Variants in PHF2 observed in about 807,000 individuals in gnomAD.
PHF2 encodes the protein PHD finger protein 2.
PHF2 carries 27 observed loss-of-function variants against 120.5 expected under a neutral mutation model. That is an observed-to-expected ratio of 0.22 (90% CI 0.17 to 0.31). The LOEUF (loss-of-function observed/expected upper bound fraction) is 0.31, where lower values mean the gene tolerates loss of function less well. PHF2 is among the 10% of genes least tolerant of loss of function. The pLI is 1.00. For missense variants in PHF2, 1,024 were observed against 1,434.8 expected (o/e 0.71, Z 4.63); for synonymous variants, 568 against 592.5 (o/e 0.96, Z 0.60).
intron 14 of PHF2, among the ~76,000 whole-genome samples, chr9:93,665,039 C>T (rs2118030513): frequency 6.6e-6 from 1 of 152,328 alleles, no homozygotes; most frequent in Middle Eastern, 3.4e-3. Context: ...GTCCTCAAAC[C>T]CCTGGGAAGG....
chr9:93,662,019 A>G (rs10761252), intron 12 of PHF2, among the ~76,000 whole-genome samples: 93,109 of 151,574 alleles, frequency 0.61, 29,009 homozygotes, highest in Non-Finnish European at 0.66. Context: ...ATGGATGGGT[A>G]GATGATGAAT....
At chr9:93,661,325 C>T (rs74614156) in intron 12 of PHF2, among the ~76,000 whole-genome samples, 9,335 of 152,180 alleles carry the variant, frequency 0.061, 401 homozygotes, top group Non-Finnish European at 0.089. Context: ...TGTAGTGGGA[C>T]GCTTTTGTGT....
chr9:93,586,470 T>C (rs762627954), intron 1 of PHF2, among the ~76,000 whole-genome samples: 1 of 152,226 alleles, frequency 6.6e-6, no homozygotes, highest in Non-Finnish European at 1.5e-5. Flanking sequence ...ATGGAGGGGC[T>C]ACTCAGGAGA....
chr9:93,675,460 C>A (rs1481300969), intron 19 of PHF2, among the ~76,000 whole-genome samples: 1 of 152,256 alleles, frequency 6.6e-6, no homozygotes, highest in Non-Finnish European at 1.5e-5. Context: ...GCTGGGCCTC[C>A]TGGGCTCTGC....
intron 17 of PHF2, among the ~76,000 whole-genome samples, chr9:93,669,417 G>A (rs2118071493): frequency 6.6e-6 from 1 of 152,268 alleles, no homozygotes; most frequent in East Asian, 1.9e-4. Context: ...TGCAGCTTGT[G>A]TGGCAGGGGC....
At chr9:93,605,393 T>G (rs914239961) in intron 1 of PHF2, among the ~76,000 whole-genome samples, 2 of 152,186 alleles carry the variant, frequency 1.3e-5, no homozygotes, top group African/African-American at 4.8e-5. Context: ...TTCTATGGGT[T>G]TTGACTGTAA....
chr9:93,675,833 AC>A, intron 20 of PHF2, 44 bp downstream of exon 20: 3 of 1,474,184 alleles, frequency 2.0e-6, no homozygotes, highest in Non-Finnish European at 9.4e-7. Flanking sequence ...GGTCCCTGCT[AC>A]CCCCACCTGG....
chr9:93,677,578 A>G lies in PHF2; in HGVS notation c.3203-10A>G. The G allele has an allele frequency of 6.2e-7, 1 of 1,610,272 alleles. No individual in the cohort carries two copies. The highest frequency in any genetic ancestry group is 8.5e-7 in the Non-Finnish European group (1 of 1,178,376). Reference sequence around the variant, plus strand: ...CTTCCCTTTTTGTGTCCCCTCCCCGACTCCCCTAGGAAAACGTACGAAAAA... The same window carrying G: ...CTTCCCTTTTTGTGTCCCCTCCCCGGCTCCCCTAGGAAAACGTACGAAAAA... On this transcript the variant is annotated splice_polypyrimidine_tract_variant and intron_variant, in intron 21 of 21. Transcript: ENST00000359246. The surrounding 1 kb of genome is among the most constrained non-coding windows in gnomAD (Gnocchi z 4.4).
intron 1 of PHF2, among the ~76,000 whole-genome samples, chr9:93,618,653 A>T (rs948142836): frequency 1.3e-5 from 2 of 152,252 alleles, no homozygotes; most frequent in African/African-American, 4.8e-5. Context: ...CCATGTCAGT[A>T]TGTAAAGATC....
At chr9:93,649,765 C>T (rs558727639) in intron 5 of PHF2, among the ~76,000 whole-genome samples, 1 of 152,198 alleles carries the variant, frequency 6.6e-6, no homozygotes, top group African/African-American at 2.4e-5. Context: ...CGCTCATGGA[C>T]ATACCCATGA....
chr9:93,607,684 T>C lies in PHF2; in HGVS notation c.99-22286T>C, dbSNP rs116705737. On this transcript the variant is annotated intron_variant, in intron 1 of 21. Coordinates refer to ENST00000359246, the MANE Select transcript of PHF2 (RefSeq NM_005392.4). ...CCTATCCATGAACATGGAATATCTC[T>C]CCATTTATTTAATTCTTTGATCTAC... Among the ~76,000 whole-genome samples the C allele has an allele frequency of 2.2e-3, 329 of 152,278 alleles. 2 individuals carry two copies. The highest frequency in any genetic ancestry group is 7.7e-3 in the African/African-American group (319 of 41,556).
chr9:93,631,884 T>C (rs1826007688), intron 2 of PHF2, among the ~76,000 whole-genome samples: 1 of 151,916 alleles, frequency 6.6e-6, no homozygotes, highest in Non-Finnish European at 1.5e-5. Context: ...GCTTTCAGAC[T>C]GGTAGAAAAG....
chr9:93,612,119 T>C (rs1350852209), intron 1 of PHF2, among the ~76,000 whole-genome samples: 1 of 152,236 alleles, frequency 6.6e-6, no homozygotes, highest in Non-Finnish European at 1.5e-5. Flanking sequence ...ATCCTGGAAA[T>C]TGTTCCAGAT....
At chr9:93,619,247 A>G (rs951451800) in intron 1 of PHF2, among the ~76,000 whole-genome samples, 2 of 152,002 alleles carry the variant, frequency 1.3e-5, no homozygotes, top group Non-Finnish European at 1.5e-5. Flanking sequence ...GGAGGTCACA[A>G]GCTGAGACAC....
In PHF2 at chr9:93,677,151, G is replaced by A. The variant is rs1265304351; in HGVS notation, c.3202+188G>A. ...GTGAGCGTATCCCACAGTACAGGAC[G>A]TGTGCTTTCATCCTTCTGCTCAGTG... On this transcript the variant is annotated intron_variant, in intron 21 of 21. Coordinates refer to ENST00000359246, the MANE Select transcript of PHF2 (RefSeq NM_005392.4). The surrounding 1 kb of genome is among the most constrained non-coding windows in gnomAD (Gnocchi z 4.4). 6.7e-6 allele frequency among the ~76,000 whole-genome samples: 1 copy of A among 148,824 alleles called. No individual in the cohort carries two copies. Among genetic ancestry groups the A allele is most frequent in the African/African-American group, 2.5e-5 (1 of 40,418 alleles).
intron 14 of PHF2, among the ~76,000 whole-genome samples, 182 bp downstream of exon 14, chr9:93,663,817 C>T (rs866714148): frequency 3.3e-5 from 5 of 152,136 alleles, no homozygotes; most frequent in South Asian, 2.1e-4. Flanking sequence ...CTGCACATCA[C>T]GTACCCCATA....
intron 9 of PHF2, among the ~76,000 whole-genome samples, chr9:93,657,761 G>A (rs947012814): frequency 1.3e-5 from 2 of 152,210 alleles, no homozygotes; most frequent in African/African-American, 4.8e-5. Context: ...CCATGAGGTG[G>A]GAAGAGATGC....
At chr9:93,585,135 T>C (rs1242630598) in intron 1 of PHF2, among the ~76,000 whole-genome samples, 1 of 152,196 alleles carries the variant, frequency 6.6e-6, no homozygotes, top group East Asian at 1.9e-4. Flanking sequence ...ACCCCTGGCA[T>C]GCTCTCCGTG....
rs139614115 is a variant in PHF2, at chr9:93,666,247, G to A, written c.2187+187G>A. Among the ~76,000 whole-genome samples the A allele has an allele frequency of 2.9e-3, 439 of 152,280 alleles. 7 individuals carry two copies. Among genetic ancestry groups the A allele is most frequent in the African/African-American group, 0.01 (426 of 41,546 alleles). ...TCACATCCAACTCTAAGACACAGTG[G>A]TCATCTCTGCCTGGGCGTGCGAGGG... is the stretch of plus-strand genomic sequence containing the variant. On this transcript the variant is annotated intron_variant, in intron 16 of 21. Transcript: ENST00000359246.
Sources: allele counts gnomAD v4.1 joint callset (sites outside exome capture counted in the v4.1 genomes callset), GRCh38; gene constraint gnomAD v4.1.1; non-coding constraint Gnocchi (gnomAD v3.1); transcripts MANE v1.5; gene names NCBI Gene and HGNC (gene_info 2026-07-23, HGNC 2026-07-21).